The following NID1 variants were observed in gnomAD, a reference collection of about 807,000 sequenced individuals.
The protein encoded by NID1 is nidogen-1.
A neutral mutation model predicts 130.6 loss-of-function variants in NID1; 76 were observed. The observed-to-expected ratio is 0.58, with a 90% CI of 0.48 to 0.70. NID1 has a LOEUF of 0.70. Ranked by LOEUF, NID1 falls within the 30% of genes least tolerant of loss-of-function variation. The pLI, the probability that NID1 is intolerant of heterozygous loss-of-function variation, is 0.00. For missense variants in NID1, 1,517 were observed against 1,664.8 expected (o/e 0.91, Z 1.54); for synonymous variants, 665 against 675.1 (o/e 0.98, Z 0.23).
Position 235,981,670 on chromosome 1 carries a change from C to T in NID1, c.3168G>A (p.Arg1056=). 1 of 1,614,206 alleles carries T rather than the reference C, an allele frequency of 6.2e-7. No individual in the cohort carries two copies. The highest frequency in any genetic ancestry group is 8.5e-7 in the Non-Finnish European group (1 of 1,180,034). ...EVAKLDGTQR[R]VLFETDLVNP... is the part of the protein sequence containing the mutation. ...TCACCAAGTCAGTCTCAAAGAGCACCCGGCGCTGCGTGCCGTCCAGCTTCG... is the reference window on the plus strand; with the variant it reads ...TCACCAAGTCAGTCTCAAAGAGCACTCGGCGCTGCGTGCCGTCCAGCTTCG... The change falls in exon 16 of 20, where the codon CGG becomes CGA. Residue 1056 remains arginine, a synonymous_variant. Coordinates refer to ENST00000264187, the MANE Select transcript of NID1 (RefSeq NM_002508.3).
rs1358474740 is a variant in NID1, at chr1:235,979,151, C to A, written c.3510-44G>T. 7.9e-7 allele frequency: 1 copy of A among 1,267,528 alleles called. No individual in the cohort carries two copies. Among genetic ancestry groups the A allele is most frequent in the African/African-American group, 1.5e-5 (1 of 68,288 alleles). The allele number at this position is 1,267,528 out of a possible 1,614,324, so 78.5% of individuals were successfully genotyped here. A position where few individuals can be genotyped will look rare whatever the true frequency, so the allele number is the denominator to read the frequency against. On this transcript the variant is annotated intron_variant, in intron 18 of 19. Coordinates refer to ENST00000264187, the MANE Select transcript of NID1 (RefSeq NM_002508.3). This position sits in a 1 kb window ranked among gnomAD's most constrained non-coding sequence, Gnocchi z 4.6. ...CAGAAGGTGAAAACACATCTGATGG[C>A]TTGAACTTGTATCTAAACAAGGCAG...
chr1:235,998,163 C>T (rs561223504), intron 12 of NID1, among the ~76,000 whole-genome samples: 10 of 152,280 alleles, frequency 6.6e-5, no homozygotes, highest in Admixed American at 5.9e-4. Context: ...TTTGAAGTAC[C>T]TTTGTCTGTG....
chr1:236,032,874 G>C (rs1177982492), intron 5 of NID1, among the ~76,000 whole-genome samples: 1 of 152,198 alleles, frequency 6.6e-6, no homozygotes, highest in Non-Finnish European at 1.5e-5. Context: ...CTCTCTTCCT[G>C]TGACTGAAAA....
chr1:235,987,714 A>G (rs1657615120), intron 14 of NID1, among the ~76,000 whole-genome samples: 1 of 152,188 alleles, frequency 6.6e-6, no homozygotes, highest in Non-Finnish European at 1.5e-5. Flanking sequence ...TCGTGGACAC[A>G]GTACTAGGCA....
intron 13 of NID1, among the ~76,000 whole-genome samples, chr1:235,992,855 G>A (rs1417877802): frequency 6.6e-6 from 1 of 152,208 alleles, no homozygotes; most frequent in Non-Finnish European, 1.5e-5. Context: ...GAGATTCAAA[G>A]ATTCATTATA....
chr1:236,037,764 A>T (rs1423408330), intron 5 of NID1, among the ~76,000 whole-genome samples: 2 of 152,152 alleles, frequency 1.3e-5, no homozygotes, highest in Admixed American at 1.3e-4. Flanking sequence ...AAAGTGAGGG[A>T]CATAAACAAT....
chr1:236,009,148 G>C (rs1658334874), intron 12 of NID1, among the ~76,000 whole-genome samples: 1 of 152,158 alleles, frequency 6.6e-6, no homozygotes, highest in African/African-American at 2.4e-5. Context: ...TGGCATTGGG[G>C]GTGAGGCCAC....
In NID1 at chr1:236,053,197, T is replaced by G. The variant is rs146638805; in HGVS notation, c.226-4208A>C. On this transcript the variant is annotated intron_variant, in intron 1 of 19. Coordinates refer to ENST00000264187, the MANE Select transcript of NID1 (RefSeq NM_002508.3). Reference sequence around the variant, plus strand: ...TGTTTTTATTCATCTTAAATGTATGTAGAGCTCACATTTATTTATTTCAAT... The same window carrying G: ...TGTTTTTATTCATCTTAAATGTATGGAGAGCTCACATTTATTTATTTCAAT... 1.6e-4 allele frequency among the ~76,000 whole-genome samples: 24 copies of G among 152,312 alleles called. No individual in the cohort carries two copies. In the East Asian group the frequency reaches 4.4e-3, roughly 28 times the overall value.
chr1:236,048,734 C>A lies in NID1; in HGVS notation c.481G>T (p.Ala161Ser). The change falls in exon 2 of 20, where the codon GCC becomes TCC. Residue 161 changes from alanine to serine, a missense_variant. Physicochemically the swap from Ala to Ser is moderately conservative, Grantham distance 99. Around this residue, in one of 3 missense-constraint regions of NID1, gnomAD observed 1,329 missense variants for 1,429.2 expected, o/e 0.93. Coordinates refer to ENST00000264187, the MANE Select transcript of NID1 (RefSeq NM_002508.3). ...TCCCTGCTGGGCCCTTGGTAGGGGG[C>A]CACGGATTCCCAAGTGACAACCACC... ...SAVVVTWESV[A>S]PYQGPSRDPD... is the part of the protein sequence containing the mutation. 6.2e-7 allele frequency: 1 copy of A among 1,612,580 alleles called. No individual in the cohort carries two copies. Among genetic ancestry groups the A allele is most frequent in the South Asian group, 1.1e-5 (1 of 90,988 alleles).
chr1:236,050,907 G>A (rs1035274833), intron 1 of NID1, among the ~76,000 whole-genome samples: 1 of 151,658 alleles, frequency 6.6e-6, no homozygotes, highest in African/African-American at 2.4e-5. Flanking sequence ...GCAAAACCCC[G>A]TCTCTACTAA....
intron 3 of NID1, among the ~76,000 whole-genome samples, chr1:236,045,247 G>A (rs1339022529): frequency 6.8e-5 from 10 of 146,716 alleles, no homozygotes; most frequent in Admixed American, 6.1e-4. Context: ...TATTTTAAAT[G>A]AGGATGATAT....
In NID1 at chr1:236,030,339, CT is replaced by C. The variant is rs1436282303; in HGVS notation, c.1538-590del. ...AGACAGGCAGGAAAAATACTTCTCC[CT>C]TTTCCACAATGACCTGCCCCGTGAC... On this transcript the variant is annotated intron_variant, in intron 6 of 19. Coordinates refer to ENST00000264187, the MANE Select transcript of NID1 (RefSeq NM_002508.3). 3.9e-5 allele frequency among the ~76,000 whole-genome samples: 6 copies of C among 152,324 alleles called. No homozygotes were observed. The East Asian group carries it at 1.2e-3, about 29-fold the overall frequency.
chr1:236,054,686 G>C (rs1263346426), intron 1 of NID1, among the ~76,000 whole-genome samples: 1 of 151,476 alleles, frequency 6.6e-6, no homozygotes, highest in Non-Finnish European at 1.5e-5. Context: ...CTGTCACCCA[G>C]GCTGGAGTGC....
chr1:236,041,228 C>T (rs563503263), intron 4 of NID1, among the ~76,000 whole-genome samples: 1 of 152,136 alleles, frequency 6.6e-6, no homozygotes, highest in East Asian at 1.9e-4. Context: ...TCACCACGCC[C>T]AGCTAATTTT....
chr1:235,991,149 G>T, intron 13 of NID1, 91 bp from the exon 14 acceptor site: 1 of 1,094,670 alleles, frequency 9.1e-7, no homozygotes. Flanking sequence ...ATGCACGCAT[G>T]CACACACATA....
Position 236,026,103 on chromosome 1 carries a change from C to T in NID1, c.1777G>A (p.Glu593Lys), listed in dbSNP as rs998603779. The change falls in exon 8 of 20, where the codon GAG becomes AAG. Residue 593 changes from glutamate (E) to lysine (K), a missense_variant. Physicochemically the swap from Glu to Lys is moderately conservative, Grantham distance 56. Transcript: ENST00000264187. Reference sequence around the variant, plus strand: ...GGAGATGCCCCATCTCGCTCGGGCTCAGTCACCGTGTACTCCCGGGTGGAG... The same window carrying T: ...GGAGATGCCCCATCTCGCTCGGGCTTAGTCACCGTGTACTCCCGGGTGGAG... ...SSSTREYTVT[E>K]PERDGASPSR... 3.7e-5 allele frequency: 59 copies of T among 1,613,834 alleles called. No individual in the cohort carries two copies. The highest frequency in any genetic ancestry group is 4.7e-5 in the Non-Finnish European group (56 of 1,179,978).
intron 12 of NID1, among the ~76,000 whole-genome samples, chr1:236,002,075 G>T (rs1431328896): frequency 6.6e-6 from 1 of 152,256 alleles, no homozygotes; most frequent in Non-Finnish European, 1.5e-5. Context: ...GATTGTACAG[G>T]CTAGTGCAAA....
chr1:236,001,396 C>T lies in NID1; in HGVS notation c.2528-7524G>A, dbSNP rs1298580331. Among the ~76,000 whole-genome samples the T allele has an allele frequency of 7.9e-5, 12 of 152,242 alleles. No individual in the cohort carries two copies. In the South Asian group the frequency reaches 8.3e-4, roughly 11 times the overall value. On this transcript the variant is annotated intron_variant, in intron 12 of 19. Coordinates refer to ENST00000264187, the MANE Select transcript of NID1 (RefSeq NM_002508.3). Reference sequence around the variant, plus strand: ...CTGGGATTACAGGCTTGAGCCACCACGCCCAGCCTGGCTTTGAGATTTTGC... The same window carrying T: ...CTGGGATTACAGGCTTGAGCCACCATGCCCAGCCTGGCTTTGAGATTTTGC...
chr1:235,979,926 G>T lies in NID1; in HGVS notation c.3405C>A (p.Cys1135Ter). The change falls in exon 18 of 20, where the codon TGC (cysteine) becomes TGA (stop). Residue 1135 changes from cysteine to a stop codon, truncating the protein, a stop_gained. Transcript: ENST00000264187. LOFTEE classifies it high-confidence loss of function. This position sits in a 1 kb window ranked among gnomAD's most constrained non-coding sequence, Gnocchi z 4.6. ...WVDAGTNRAE[C>*]LNPSQPSRRK... is the part of the protein sequence containing the mutation. ...GTCTGCTGGGCTGACTGGGGTTCAG[G>T]CATTCCGCCCGATTGGTGCCTGTGT... The T allele has an allele frequency of 6.2e-7, 1 of 1,614,096 alleles. No homozygotes were observed. The highest frequency in any genetic ancestry group is 8.5e-7 in the Non-Finnish European group (1 of 1,179,984).
Sources: allele counts gnomAD v4.1 joint callset (sites outside exome capture counted in the v4.1 genomes callset), GRCh38; gene constraint gnomAD v4.1.1; regional missense constraint gnomAD v4.1.1; non-coding constraint Gnocchi (gnomAD v3.1); transcripts MANE v1.5; gene names NCBI Gene and HGNC (gene_info 2026-07-23, HGNC 2026-07-21).